Variants in GALNT14 observed in about 807,000 individuals in gnomAD.
GALNT14 encodes polypeptide N-acetylgalactosaminyltransferase 14, also known as UDP-GalNAc:polypeptide N-acetylgalactosaminyltransferase 14.
A neutral mutation model predicts 77.5 loss-of-function variants in GALNT14; 60 were observed. The observed-to-expected ratio is 0.77, with a 90% confidence interval of 0.63 to 0.96. The LOEUF is 0.96. Ranked by LOEUF, GALNT14 falls within the 40% of genes least tolerant of loss-of-function variation. The probability of loss-of-function intolerance (pLI) is 0.00; values close to 1 mark genes in which losing one functional copy is unlikely to be tolerated. For missense variants in GALNT14, 710 were observed against 731.0 expected (o/e 0.97, Z 0.33); for synonymous variants, 280 against 281.7 (o/e 0.99, Z 0.06).
intron 2 of GALNT14, among the ~76,000 whole-genome samples, chr2:30,968,108 G>C (rs899694243): frequency 2.0e-5 from 3 of 152,214 alleles, no homozygotes; most frequent in African/African-American, 7.2e-5. Context: ...TTCTCGTGAT[G>C]AGACTCTCCT....
At chr2:30,915,527 G>A (rs1455557832) in intron 13 of GALNT14, among the ~76,000 whole-genome samples, 2 of 152,220 alleles carry the variant, frequency 1.3e-5, no homozygotes, top group East Asian at 3.8e-4. Flanking sequence ...CAGGTGGGAA[G>A]CAAGGAGAGC....
In GALNT14 at chr2:30,945,860, C is replaced by T. The variant is rs549308784; in HGVS notation, c.665G>A (p.Arg222Gln). 9.3e-6 allele frequency: 15 copies of T among 1,614,020 alleles called. No individual in the cohort carries two copies. Among genetic ancestry groups the T allele is most frequent in the South Asian group, 6.6e-5 (6 of 91,072 alleles). Residue 222 changes from arginine (R) to glutamine (Q), a missense_variant, in exon 7 of 15, where the codon CGG becomes CAG. Coordinates refer to ENST00000349752, the MANE Select transcript of GALNT14 (RefSeq NM_024572.4). ...GATATCGATCACAGGGCACACCACC[C>T]GCGTGTAGTCCTGTAAGACAACAGA... The part of the protein sequence containing the change: ...LLHRVKEDYT[R>Q]VVCPVIDIIN...
At chr2:30,932,784 G>A (rs1435320608) in intron 9 of GALNT14, among the ~76,000 whole-genome samples, 1 of 152,224 alleles carries the variant, frequency 6.6e-6, no homozygotes, top group Non-Finnish European at 1.5e-5. Context: ...TCCTTCCACA[G>A]TGAATGCAAT....
At chr2:31,136,000 G>C (rs1270233323) in intron 1 of GALNT14, among the ~76,000 whole-genome samples, 1 of 152,184 alleles carries the variant, frequency 6.6e-6, no homozygotes, top group East Asian at 1.9e-4. Flanking sequence ...CAAGCTTAAG[G>C]TAATGAGGGT....
At chr2:30,981,177 G>A (rs983135720) in intron 2 of GALNT14, among the ~76,000 whole-genome samples, 5 of 152,186 alleles carry the variant, frequency 3.3e-5, no homozygotes, top group African/African-American at 1.2e-4. Context: ...AATCCTACCA[G>A]CCCTATTTCT....
Position 30,967,754 on chromosome 2 carries a change from C to T in GALNT14, c.300-1452G>A, listed in dbSNP as rs1668100980. 3.3e-5 allele frequency among the ~76,000 whole-genome samples: 5 copies of T among 152,302 alleles called. No individual in the cohort carries two copies. The East Asian group carries it at 9.6e-4, about 29-fold the overall frequency. On this transcript the variant is annotated intron_variant, in intron 2 of 14. Transcript: ENST00000349752. The stretch of plus-strand genomic sequence containing the variant: ...CCCATCTTTCTGCCTTCAGTCTCTG[C>T]CCCTGCCAGTCATGTCCTGTCCACC...
intron 1 of GALNT14, among the ~76,000 whole-genome samples, chr2:31,101,122 T>C (rs1323939153): frequency 6.6e-6 from 1 of 152,082 alleles, no homozygotes; most frequent in African/African-American, 2.4e-5. Flanking sequence ...TTCTTGAGTG[T>C]ATTTTTTAAT....
At chr2:31,036,239 A>T (rs1216785502) in intron 1 of GALNT14, among the ~76,000 whole-genome samples, 3 of 152,174 alleles carry the variant, frequency 2.0e-5, no homozygotes, top group Admixed American at 6.5e-5. Context: ...CTTTTATGTT[A>T]AATGGATATC....
intron 11 of GALNT14, among the ~76,000 whole-genome samples, chr2:30,927,600 TGAGACAA>T (rs1665465919): frequency 1.3e-5 from 2 of 152,322 alleles, no homozygotes; most frequent in South Asian, 4.1e-4. Context: ...GCCTGTCCTT[TGAGACAA>T]GAGACAGAGA....
At chr2:30,890,986 G>A in the GALNT14 span, among the ~76,000 whole-genome samples, 3 of 152,180 alleles carry the variant, frequency 2.0e-5, no homozygotes, top group Non-Finnish European at 2.9e-5. Context: ...ACAGAGAAAA[G>A]TCATGCTGGG....
rs1178992303 is a variant in GALNT14 at position 30,910,682 on chromosome 2, G to A, written c.*219C>T. 3 of 498,218 alleles carry A rather than the reference G, an allele frequency of 6.0e-6. No individual in the cohort carries two copies. Among genetic ancestry groups the A allele is most frequent in the East Asian group, 3.5e-5 (1 of 28,766 alleles). The allele number at this position is 498,218 out of a possible 1,614,324, so 30.9% of individuals were successfully genotyped here. A position where few individuals can be genotyped will look rare whatever the true frequency, so the allele number is the denominator to read the frequency against. On this transcript the variant is annotated 3_prime_UTR_variant, in exon 15 of 15. Coordinates refer to ENST00000349752, the MANE Select transcript of GALNT14 (RefSeq NM_024572.4). ...TGACTGGCCAGGACTGGAACTTAAC[G>A]GCCTTGAGAACATGTGGGATTTGTC...
chr2:31,049,393 G>A (rs753681123), intron 1 of GALNT14, among the ~76,000 whole-genome samples: 30 of 152,314 alleles, frequency 2.0e-4, no homozygotes, highest in East Asian at 3.9e-4. Flanking sequence ...GCTCCTGAAC[G>A]CTCCCAGCCA....
intron 13 of GALNT14, among the ~76,000 whole-genome samples, chr2:30,917,445 G>T (rs1317003193): frequency 6.6e-6 from 1 of 152,184 alleles, no homozygotes; most frequent in African/African-American, 2.4e-5. Context: ...GCAGGTGGCA[G>T]GCCTGTATCT....
intron 1 of GALNT14, among the ~76,000 whole-genome samples, chr2:31,072,897 G>A (rs1675507661): frequency 6.6e-6 from 1 of 152,164 alleles, no homozygotes; most frequent in African/African-American, 2.4e-5. Context: ...TACACATAAT[G>A]ATAAATTGGT....
intron 2 of GALNT14, among the ~76,000 whole-genome samples, chr2:30,986,429 G>A (rs1000425482): frequency 6.6e-6 from 1 of 152,126 alleles, no homozygotes; most frequent in Admixed American, 6.5e-5. Flanking sequence ...CTGCTTGTCT[G>A]CCAGATGTTT....
At chr2:31,113,953 T>G (rs1677968875) in intron 1 of GALNT14, among the ~76,000 whole-genome samples, 1 of 151,856 alleles carries the variant, frequency 6.6e-6, no homozygotes, top group Admixed American at 6.6e-5. Flanking sequence ...AGTGGGGATA[T>G]GCCTGCAGCT....
intron 1 of GALNT14, among the ~76,000 whole-genome samples, chr2:31,032,511 G>C (rs1430059183): frequency 1.3e-5 from 2 of 152,158 alleles, no homozygotes; most frequent in East Asian, 1.9e-4. Context: ...AATTGTTGCT[G>C]TTTTACTTTA....
At chr2:30,975,171 G>C (rs1001858715) in intron 2 of GALNT14, among the ~76,000 whole-genome samples, 2 of 152,194 alleles carry the variant, frequency 1.3e-5, no homozygotes, top group African/African-American at 4.8e-5. Flanking sequence ...GTGGCATCTG[G>C]TGTCCGTGGA....
chr2:30,958,434 G>C lies in GALNT14; in HGVS notation c.429C>G (p.Ile143Met). 1 of 1,614,068 alleles carries C rather than the reference G, an allele frequency of 6.2e-7. No individual in the cohort carries two copies. Among genetic ancestry groups the C allele is most frequent in the Admixed American group, 1.7e-5 (1 of 60,020 alleles). Residue 143 changes from isoleucine (I) to methionine (M), a missense_variant, in exon 4 of 15, where the codon ATC (isoleucine) becomes ATG (methionine). Physicochemically the swap from Ile to Met is conservative, Grantham distance 10. Transcript: ENST00000349752. ...AGTCATCCACTAATATGATTTCCCG[G>C]ATCAGATGCGTAGGGGTGCGGTTTA... ...SVLNRTPTHLIREIILVDDFS... is the reference protein window; with the variant it reads ...SVLNRTPTHLMREIILVDDFS...
Sources: allele counts gnomAD v4.1 joint callset (sites outside exome capture counted in the v4.1 genomes callset), GRCh38; gene constraint gnomAD v4.1.1; transcripts MANE v1.5; gene names NCBI Gene and HGNC (gene_info 2026-07-23, HGNC 2026-07-21).